The following BAZ2B variants were observed in gnomAD, a reference collection of about 807,000 sequenced individuals.
BAZ2B encodes the protein bromodomain adjacent to zinc finger domain 2B.
Under a neutral mutation model 246.0 loss-of-function variants are expected in BAZ2B, and 91 were observed. That is an observed-to-expected ratio of 0.37 (90% confidence interval 0.31 to 0.44). BAZ2B has a LOEUF of 0.44. Ranked by LOEUF, BAZ2B falls within the 20% of genes least tolerant of loss-of-function variation. The pLI is 1.00. For synonymous variants in BAZ2B, 855 were observed against 860.0 expected (o/e 0.99, Z 0.10); for missense variants, 2,332 against 2,533.7 (o/e 0.92, Z 1.71).
intron 1 of BAZ2B, among the ~76,000 whole-genome samples, chr2:159,590,013 C>A (rs1267575375): frequency 6.6e-6 from 1 of 151,400 alleles, no homozygotes; most frequent in Non-Finnish European, 1.5e-5. Flanking sequence ...GTGGTGAAAC[C>A]CCATCTCTAC....
intron 1 of BAZ2B, among the ~76,000 whole-genome samples, chr2:159,601,392 C>T (rs1692095466): frequency 6.6e-6 from 1 of 151,464 alleles, no homozygotes. Context: ...CCACTGCACT[C>T]CAGAATGGGT....
intron 1 of BAZ2B, among the ~76,000 whole-genome samples, chr2:159,608,329 C>T (rs1273367904): frequency 2.6e-5 from 4 of 152,162 alleles, no homozygotes; most frequent in Admixed American, 6.5e-5. Context: ...AAACTGGGAT[C>T]GTGCCACTGC....
chr2:159,567,426 GT>G (rs1005836890), intron 1 of BAZ2B, among the ~76,000 whole-genome samples: 6 of 152,070 alleles, frequency 3.9e-5, no homozygotes, highest in African/African-American at 7.2e-5. Context: ...AAGAAGCACA[GT>G]TTTTTTTACT....
chr2:159,632,551 T>C, the BAZ2B span, among the ~76,000 whole-genome samples: 1 of 152,206 alleles, frequency 6.6e-6, no homozygotes, highest in African/African-American at 2.4e-5. Context: ...AAGAAACACC[T>C]ATGTAGTGGT....
intron 2 of BAZ2B, among the ~76,000 whole-genome samples, chr2:159,530,304 A>G (rs1271781525): frequency 6.6e-6 from 1 of 152,224 alleles, no homozygotes; most frequent in Non-Finnish European, 1.5e-5. Flanking sequence ...AATTTTAACC[A>G]TGACTTATTA....
chr2:159,693,458 C>A, the BAZ2B span: 1 of 147,644 alleles, frequency 6.8e-6, no homozygotes, highest in Non-Finnish European at 1.5e-5. Context: ...AGGGTCTCAC[C>A]CTGCCTCCCA....
chr2:159,473,990 C>A (rs1282024011), intron 3 of BAZ2B, among the ~76,000 whole-genome samples: 1 of 152,066 alleles, frequency 6.6e-6, no homozygotes, highest in Non-Finnish European at 1.5e-5. Flanking sequence ...ATTATGTGGT[C>A]AGCTTTAGAA....
intron 21 of BAZ2B, among the ~76,000 whole-genome samples, chr2:159,388,221 CCTA>C (rs1323524069): frequency 2.0e-5 from 3 of 151,808 alleles, no homozygotes; most frequent in Admixed American, 2.0e-4. Flanking sequence ...AAATACATAT[CCTA>C]CTAATTAAGT....
intron 1 of BAZ2B, among the ~76,000 whole-genome samples, chr2:159,579,951 C>T (rs928140668): frequency 5.9e-5 from 9 of 152,190 alleles, no homozygotes; most frequent in Non-Finnish European, 1.3e-4. Flanking sequence ...GACAAACCCA[C>T]AGCCAATATC....
intron 10 of BAZ2B, among the ~76,000 whole-genome samples, chr2:159,429,730 T>C (rs2070725007): frequency 6.6e-6 from 1 of 152,160 alleles, no homozygotes; most frequent in Admixed American, 6.6e-5. Flanking sequence ...TTAATTAACC[T>C]AAGCCACCAA....
the BAZ2B span, among the ~76,000 whole-genome samples, chr2:159,697,436 G>GA: frequency 1.3e-5 from 2 of 151,856 alleles, no homozygotes; most frequent in Admixed American, 6.6e-5. Context: ...AATTACAATA[G>GA]AAAAAAACAC....
At chr2:159,641,212 C>T in the BAZ2B span, among the ~76,000 whole-genome samples, 1 of 152,098 alleles carries the variant, frequency 6.6e-6, no homozygotes, top group Non-Finnish European at 1.5e-5. Context: ...CCTTTTTCTC[C>T]ACAACCTCAC....
chr2:159,323,404 G>A (rs1245775528), intron 36 of BAZ2B, among the ~76,000 whole-genome samples: 2 of 152,170 alleles, frequency 1.3e-5, no homozygotes, highest in Non-Finnish European at 2.9e-5. Context: ...TTAAAATCAA[G>A]AGTTAATTTA....
At chr2:159,539,152 T>C (rs906086817) in intron 2 of BAZ2B, among the ~76,000 whole-genome samples, 1 of 152,198 alleles carries the variant, frequency 6.6e-6, no homozygotes, top group Non-Finnish European at 1.5e-5. Context: ...ACATTAAACA[T>C]ACACCTCTAC....
At chr2:159,443,179 GAT>G (rs1312691789) in intron 6 of BAZ2B, among the ~76,000 whole-genome samples, 1 of 152,094 alleles carries the variant, frequency 6.6e-6, no homozygotes, top group African/African-American at 2.4e-5. Flanking sequence ...TAAAAAATCA[GAT>G]ATGTTTTTAA....
At chr2:159,337,169 A>G in intron 32 of BAZ2B, 92 bp from the exon 33 acceptor site, 1 of 1,447,904 alleles carries the variant, frequency 6.9e-7, no homozygotes, top group Non-Finnish European at 9.4e-7. Flanking sequence ...CCAAGCAATG[A>G]CAAAAACATG....
At chr2:159,698,769 C>T in the BAZ2B span, among the ~76,000 whole-genome samples, 1 of 152,022 alleles carries the variant, frequency 6.6e-6, no homozygotes, top group South Asian at 2.1e-4. Context: ...AGTTAAAAAT[C>T]TGACTATTCA....
At chr2:159,349,335 A>G in intron 28 of BAZ2B, 55 bp from the exon 29 acceptor site, 1 of 1,458,224 alleles carries the variant, frequency 6.9e-7, no homozygotes, top group Non-Finnish European at 9.1e-7. Context: ...GAAGTTAGGA[A>G]AAATGTTTGG....
At chr2:159,440,450 T>C (rs1033503049) in intron 6 of BAZ2B, among the ~76,000 whole-genome samples, 1 of 151,934 alleles carries the variant, frequency 6.6e-6, no homozygotes, top group Non-Finnish European at 1.5e-5. Context: ...TGAACATTGA[T>C]TCAGGTAACA....
Sources: gnomAD v4.1 joint callset for allele counts (sites outside exome capture counted in the v4.1 genomes callset) on GRCh38, gnomAD v4.1.1 for gene constraint, MANE v1.5 for transcripts, NCBI Gene and HGNC (gene_info 2026-07-23, HGNC 2026-07-21) for gene names.